The following GRM7 variants were observed in gnomAD, a reference collection of about 807,000 sequenced individuals.
The protein encoded by GRM7 is glutamate metabotropic receptor 7.
GRM7 carries 35 observed loss-of-function variants against 84.5 expected under a neutral mutation model. The ratio of observed to expected loss-of-function variants is 0.41; its 90% CI spans 0.32 to 0.55. GRM7 has a LOEUF of 0.55. GRM7 is among the 20% of genes least tolerant of loss of function. The pLI is 0.19. For synonymous variants in GRM7, 487 were observed against 455.1 expected (o/e 1.07, Z -0.89); for missense variants, 1,003 against 1,194.6 (o/e 0.84, Z 2.36).
At chr3:7,243,782 A>T (rs933185987) in intron 2 of GRM7, among the ~76,000 whole-genome samples, 1 of 152,134 alleles carries the variant, frequency 6.6e-6, no homozygotes, top group African/African-American at 2.4e-5. Flanking sequence ...CCCCTAGATG[A>T]CATGCCTACT....
In GRM7 at chr3:7,631,131, A is replaced by G. The variant is rs114076938; in HGVS notation, c.2452-48918A>G. ...ATTTCAGCTGTGGGGACCAGACAGC[A>G]GGAGTACAATCACCCTTCCAGTGAT... On this transcript the variant is annotated intron_variant, in intron 8 of 9. Transcript: ENST00000357716. Among the ~76,000 whole-genome samples, 277 of 152,324 alleles carry G rather than the reference A, an allele frequency of 1.8e-3. 2 individuals carry two copies. The highest frequency in any genetic ancestry group is 6.4e-3 in the African/African-American group (265 of 41,570).
intron 5 of GRM7, among the ~76,000 whole-genome samples, chr3:7,441,126 ATTCCT>A (rs1697268452): frequency 6.6e-6 from 1 of 152,134 alleles, no homozygotes; most frequent in Non-Finnish European, 1.5e-5. Context: ...GTGTATAAGC[ATTCCT>A]TTTTTTTCTG....
At chr3:7,520,469 C>G (rs1700553037) in intron 7 of GRM7, among the ~76,000 whole-genome samples, 1 of 151,030 alleles carries the variant, frequency 6.6e-6, no homozygotes, top group African/African-American at 2.4e-5. Context: ...ATTCTGGATT[C>G]TTTATGTTCT....
At chr3:7,211,120 C>A (rs1338375537) in intron 2 of GRM7, among the ~76,000 whole-genome samples, 2 of 152,168 alleles carry the variant, frequency 1.3e-5, no homozygotes, top group Admixed American at 6.5e-5. Context: ...TTTGGCATAT[C>A]TTTAAAAAGT....
chr3:6,970,590 G>A (rs951757187), intron 1 of GRM7, among the ~76,000 whole-genome samples: 6 of 152,270 alleles, frequency 3.9e-5, no homozygotes, highest in Non-Finnish European at 5.9e-5. Context: ...GAATTTGAGC[G>A]TAGCTGGACG....
intron 1 of GRM7, among the ~76,000 whole-genome samples, chr3:7,001,878 C>T (rs1695025524): frequency 6.6e-6 from 1 of 152,188 alleles, no homozygotes; most frequent in Non-Finnish European, 1.5e-5. Flanking sequence ...CCCATCTGCA[C>T]ATCGATTCAC....
intron 7 of GRM7, among the ~76,000 whole-genome samples, chr3:7,495,495 G>A (rs1699668623): frequency 6.6e-6 from 1 of 152,094 alleles, no homozygotes. Context: ...CAGACCCGTG[G>A]TGACAAAGAG....
chr3:7,538,372 A>G (rs937883398), intron 7 of GRM7, among the ~76,000 whole-genome samples: 11 of 152,140 alleles, frequency 7.2e-5, no homozygotes, highest in African/African-American at 2.4e-4. Context: ...TCAGCCTCCC[A>G]AAGTGCTGGG....
At chr3:7,665,168 CTTTTTTTTTTTT>C (rs34966790) in intron 8 of GRM7, among the ~76,000 whole-genome samples, 1 of 102,524 alleles carries the variant, frequency 9.8e-6, no homozygotes, top group African/African-American at 4.0e-5. Flanking sequence ...GCCCATGATT[CTTTTTTTTTTTT>C]TTTTTTTTTG....
chr3:7,500,896 G>C (rs1046911325), intron 7 of GRM7, among the ~76,000 whole-genome samples: 1 of 152,176 alleles, frequency 6.6e-6, no homozygotes, highest in South Asian at 2.1e-4. Flanking sequence ...GCCTACTTCC[G>C]AATCCAGATA....
intron 1 of GRM7, among the ~76,000 whole-genome samples, chr3:7,077,746 TA>T (rs1201825429): frequency 4.0e-5 from 6 of 151,852 alleles, no homozygotes; most frequent in African/African-American, 7.3e-5. Context: ...ATTTTATAAA[TA>T]AAAAAAGAAA....
chr3:7,046,858 C>A (rs903285183), intron 1 of GRM7, among the ~76,000 whole-genome samples: 1 of 151,874 alleles, frequency 6.6e-6, no homozygotes, highest in Non-Finnish European at 1.5e-5. Flanking sequence ...GAACTATGTT[C>A]TAAATAAATT....
At chr3:7,034,568 T>G (rs1237991082) in intron 1 of GRM7, among the ~76,000 whole-genome samples, 1 of 152,234 alleles carries the variant, frequency 6.6e-6, no homozygotes, top group Non-Finnish European at 1.5e-5. Context: ...CATGTGAACT[T>G]CATTATTACT....
chr3:7,602,898 G>C (rs1696388326), intron 8 of GRM7, among the ~76,000 whole-genome samples: 1 of 152,040 alleles, frequency 6.6e-6, no homozygotes. Context: ...GAGGCTTTCT[G>C]GCATGTGGGG....
chr3:7,555,450 G>C (rs1379668394), intron 7 of GRM7, among the ~76,000 whole-genome samples: 1 of 152,082 alleles, frequency 6.6e-6, no homozygotes. Context: ...GACTCCAATG[G>C]GGTAGATACA....
intron 5 of GRM7, among the ~76,000 whole-genome samples, chr3:7,421,809 TGTTTTC>T (rs887866780): frequency 2.0e-5 from 3 of 151,922 alleles, no homozygotes; most frequent in African/African-American, 7.3e-5. Flanking sequence ...TTCAGTTTTT[TGTTTTC>T]GTTTTTGTTT....
chr3:7,604,426 A>G (rs1255861146), intron 8 of GRM7, among the ~76,000 whole-genome samples: 7 of 152,176 alleles, frequency 4.6e-5, no homozygotes, highest in African/African-American at 1.7e-4. Flanking sequence ...AAGCCCAACA[A>G]ATTTTACCAG....
chr3:7,278,677 G>A (rs1187030335), intron 2 of GRM7, among the ~76,000 whole-genome samples: 1 of 152,020 alleles, frequency 6.6e-6, no homozygotes, highest in African/African-American at 2.4e-5. Flanking sequence ...TTAGAATCGG[G>A]TACTCAATGT....
chr3:7,144,978 C>G (rs923488207), intron 1 of GRM7, among the ~76,000 whole-genome samples: 8 of 152,118 alleles, frequency 5.3e-5, no homozygotes, highest in Non-Finnish European at 8.8e-5. Flanking sequence ...TTCAGGGCCA[C>G]AGGACTTAAC....
Sources: allele counts gnomAD v4.1 joint callset (sites outside exome capture counted in the v4.1 genomes callset), GRCh38; gene constraint gnomAD v4.1.1; transcripts MANE v1.5; gene names NCBI Gene and HGNC (gene_info 2026-07-23, HGNC 2026-07-21).